The following TRMT61B variants were observed in gnomAD, a reference collection of about 807,000 sequenced individuals.
TRMT61B encodes the protein tRNA methyltransferase 61B.
In TRMT61B, 56 loss-of-function variants were observed where a neutral mutation model predicts 52.0. The ratio of observed to expected loss-of-function variants is 1.08; its 90% confidence interval spans 0.87 to 1.35. The LOEUF is 1.35. TRMT61B is among the 40% of genes most tolerant of loss of function. TRMT61B has a pLI of 0.00. For synonymous variants in TRMT61B, 206 were observed against 220.0 expected, an observed-to-expected ratio of 0.94 and a Z score of 0.56; for missense variants, 650 against 577.9, an observed-to-expected ratio of 1.12 and a Z score of -1.28.
rs1350982471 is a variant in TRMT61B, at chr2:28,865,133, C to T, written c.700-14G>A. 1.4e-6 allele frequency: 2 copies of T among 1,472,326 alleles called. No individual in the cohort carries two copies. Among genetic ancestry groups the T allele is most frequent in the South Asian group, 1.1e-5 (1 of 87,672 alleles). 91.2% of individuals were successfully genotyped at this position (1,472,326 alleles called of 1,614,324 possible). On this transcript the variant is annotated splice_polypyrimidine_tract_variant and intron_variant, in intron 1 of 6. Transcript: ENST00000306108. ...CATATTAATATCCTATGATTGAAAA[C>T]AGTATGGGTGACTCAGCGACCAATA...
chr2:28,861,320 A>T lies in TRMT61B; in HGVS notation c.803-12T>A, dbSNP rs770048859. The stretch of plus-strand genomic sequence containing the variant: ...TCCTTGTGATCCAACTTAAGTAAAA[A>T]ATAATTTGATATTTCATAATATTAA... On this transcript the variant is annotated splice_polypyrimidine_tract_variant and intron_variant, in intron 2 of 6. Transcript: ENST00000306108. The T allele has an allele frequency of 1.9e-6, 3 of 1,558,006 alleles. No individual in the cohort carries two copies. The East Asian group carries it at 6.9e-5, about 36-fold the overall frequency.
intron 1 of TRMT61B, among the ~76,000 whole-genome samples, chr2:28,866,507 G>A (rs1479447624): frequency 2.0e-5 from 3 of 152,134 alleles, no homozygotes; most frequent in Non-Finnish European, 4.4e-5. Context: ...CAGTTCACAA[G>A]AGTTTGCACT....
intron 3 of TRMT61B, among the ~76,000 whole-genome samples, chr2:28,854,948 GGAAA>G (rs1669279994): frequency 6.6e-6 from 1 of 151,902 alleles, no homozygotes; most frequent in African/African-American, 2.4e-5. Context: ...AGAGAAAGAG[GGAAA>G]GAAAGGGACA....
intron 3 of TRMT61B, among the ~76,000 whole-genome samples, chr2:28,857,416 C>G (rs1302701932): frequency 6.6e-6 from 1 of 151,954 alleles, no homozygotes; most frequent in African/African-American, 2.4e-5. Context: ...AATCCTCTGG[C>G]TAGATGATGA....
At position 28,849,828 on chromosome 2, in the gene TRMT61B, TA is replaced by T; in HGVS notation, c.*370del. On this transcript the variant is annotated 3_prime_UTR_variant, in exon 7 of 7. Coordinates refer to ENST00000306108, the MANE Select transcript of TRMT61B (RefSeq NM_017910.4). Reference sequence around the variant, plus strand: ...ATGGACAGATACATAAAATTTATCTTAAAATGCATATTTTATTTCAGTAGTC... The same window carrying T: ...ATGGACAGATACATAAAATTTATCTTAAATGCATATTTTATTTCAGTAGTC... 1.4e-6 allele frequency: 2 copies of T among 1,382,966 alleles called. No individual in the cohort carries two copies. Among genetic ancestry groups the T allele is most frequent in the Non-Finnish European group, 2.0e-6 (2 of 998,076 alleles). 85.7% of individuals were successfully genotyped at this position (1,382,966 alleles called of 1,614,324 possible).
chr2:28,850,613 G>A (rs1402044894), intron 5 of TRMT61B: 1 of 495,090 alleles, frequency 2.0e-6, no homozygotes, highest in Non-Finnish European at 3.5e-6. Context: ...TAACCAAATG[G>A]ATAAGCCTAT....
chr2:28,854,977 G>C (rs1051522513), intron 3 of TRMT61B, among the ~76,000 whole-genome samples: 1 of 152,046 alleles, frequency 6.6e-6, no homozygotes, highest in Non-Finnish European at 1.5e-5. Flanking sequence ...AGGGAAAGGA[G>C]GTGTCATTTT....
At chr2:28,851,426 C>G in intron 4 of TRMT61B, 128 bp from the exon 5 acceptor site, 1 of 630,310 alleles carries the variant, frequency 1.6e-6, no homozygotes, top group Non-Finnish European at 2.6e-6. Flanking sequence ...TTTAAATATG[C>G]AAGTTAGGAG....
At chr2:28,855,211 AC>A (rs1669291910) in intron 3 of TRMT61B, among the ~76,000 whole-genome samples, 1 of 152,220 alleles carries the variant, frequency 6.6e-6, no homozygotes, top group South Asian at 2.1e-4. Flanking sequence ...GACACAGATT[AC>A]ATAGAATCAT....
intron 1 of TRMT61B, among the ~76,000 whole-genome samples, chr2:28,865,812 C>T (rs1182620243): frequency 6.6e-6 from 1 of 150,672 alleles, no homozygotes; most frequent in Non-Finnish European, 1.5e-5. Flanking sequence ...TCCCGAATAG[C>T]TGGGATTACA....
At chr2:28,865,151 G>T in intron 1 of TRMT61B, 32 bp from the exon 2 acceptor site, 2 of 1,295,176 alleles carry the variant, frequency 1.5e-6, no homozygotes, top group South Asian at 2.4e-5. Context: ...GTGACTCAGC[G>T]ACCAATAAAT....
chr2:28,860,557 C>T (rs1243566654), intron 3 of TRMT61B, among the ~76,000 whole-genome samples: 2 of 152,138 alleles, frequency 1.3e-5, no homozygotes, highest in African/African-American at 4.8e-5. Context: ...TTTTTACTTT[C>T]ATCTTCTCTG....
chr2:28,858,941 T>C, intron 3 of TRMT61B, among the ~76,000 whole-genome samples: 1 of 151,654 alleles, frequency 6.6e-6, no homozygotes, highest in Non-Finnish European at 1.5e-5. Flanking sequence ...TCTCCCAGGC[T>C]GGAGTGCAGT....
intron 5 of TRMT61B, chr2:28,850,651 T>G: frequency 2.4e-6 from 1 of 408,236 alleles, no homozygotes; most frequent in Non-Finnish European, 4.3e-6. Context: ...ACTTGAAAAC[T>G]TGTTCATGGC....
chr2:28,861,375 T>G, intron 2 of TRMT61B, 67 bp from the exon 3 acceptor site: 1 of 1,312,382 alleles, frequency 7.6e-7, no homozygotes, highest in Non-Finnish European at 1.0e-6. Flanking sequence ...CAAAAATGTA[T>G]TTTGCAAAGG....
intron 1 of TRMT61B, among the ~76,000 whole-genome samples, chr2:28,868,740 C>T (rs1419129636): frequency 6.6e-6 from 1 of 152,202 alleles, no homozygotes; most frequent in African/African-American, 2.4e-5. Flanking sequence ...TAGGGCTGGG[C>T]GCGGTGGCTC....
intron 3 of TRMT61B, among the ~76,000 whole-genome samples, chr2:28,860,272 CAAAAAAAAAAAAAAAAAAAAAAAAA>C (rs540569211): frequency 8.2e-5 from 2 of 24,476 alleles, no homozygotes; most frequent in African/African-American, 2.2e-4. Flanking sequence ...ACTCTGTTGC[CAAAAAAAAAAAAAAAAAAAAAAAAA>C]AAAAAAAAAG....
chr2:28,853,607 G>A (rs867121695), intron 3 of TRMT61B, among the ~76,000 whole-genome samples: 12 of 152,304 alleles, frequency 7.9e-5, no homozygotes, highest in African/African-American at 1.9e-4. Context: ...GAGCCCAGGC[G>A]GGTGGATCAC....
chr2:28,858,184 G>A (rs1276343694), intron 3 of TRMT61B, among the ~76,000 whole-genome samples: 1 of 151,876 alleles, frequency 6.6e-6, no homozygotes, highest in Non-Finnish European at 1.5e-5. Flanking sequence ...GGGACTACAG[G>A]CACCCGCCAC....
Sources: allele counts gnomAD v4.1 joint callset (sites outside exome capture counted in the v4.1 genomes callset), GRCh38; gene constraint gnomAD v4.1.1; transcripts MANE v1.5; gene names NCBI Gene and HGNC (gene_info 2026-07-23, HGNC 2026-07-21).